The following ENOX2 variants were observed in gnomAD, a reference collection of about 807,000 sequenced individuals.
ENOX2 encodes the protein ecto-NOX disulfide-thiol exchanger 2, also known as APK1 antigen.
Under a neutral mutation model 45.0 loss-of-function variants are expected in ENOX2, and 36 were observed. The observed-to-expected ratio is 0.80, with a 90% CI of 0.61 to 1.06. The LOEUF (loss-of-function observed/expected upper bound fraction) is 1.06. Ranked by LOEUF, ENOX2 falls within the 50% of genes least tolerant of loss-of-function variation. The pLI is 0.00. For synonymous variants in ENOX2, 174 were observed against 152.3 expected, an observed-to-expected ratio of 1.14 and a Z score of -1.05; for missense variants, 423 against 462.5, an observed-to-expected ratio of 0.91 and a Z score of 0.78.
intron 4 of ENOX2, 130 bp downstream of exon 4, chrX:130,702,990 T>G: frequency 1.5e-6 from 1 of 689,042 alleles, no homozygotes; most frequent in Middle Eastern, 3.9e-4. Flanking sequence ...AAAGCTCATA[T>G]TACAAAAATG....
intron 9 of ENOX2, among the ~76,000 whole-genome samples, chrX:130,663,531 CAAAAA>C (rs771813859): frequency 2.3e-5 from 1 of 43,048 alleles, no homozygotes. Context: ...ACTCCGTCTC[CAAAAA>C]AAAAAAAAAA....
chrX:130,756,506 T>C (rs1266917409), intron 3 of ENOX2, among the ~76,000 whole-genome samples: 3 of 112,119 alleles, frequency 2.7e-5, no homozygotes, highest in Non-Finnish European at 5.6e-5. Context: ...TTGCTGTAAC[T>C]GGCCTCTGAA....
chrX:130,766,491 G>A (rs1019836259), intron 3 of ENOX2, among the ~76,000 whole-genome samples: 8 of 111,619 alleles, frequency 7.2e-5, no homozygotes, highest in Middle Eastern at 4.6e-3. Flanking sequence ...TTTTATAGTC[G>A]ATTCTTTTTG....
intron 3 of ENOX2, among the ~76,000 whole-genome samples, chrX:130,770,532 A>C (rs5977372): frequency 0.015 from 1,686 of 111,651 alleles, 32 homozygotes; most frequent in African/African-American, 0.052. Flanking sequence ...GCATTAATTT[A>C]CATGACATAA....
chrX:130,886,827 G>A (rs915211603), intron 2 of ENOX2, among the ~76,000 whole-genome samples: 1 of 112,154 alleles, frequency 8.9e-6, no homozygotes, highest in Non-Finnish European at 1.9e-5. Context: ...AAATACAGGA[G>A]TTAATAAACT....
At chrX:130,851,130 A>C (rs1193696037) in intron 2 of ENOX2, among the ~76,000 whole-genome samples, 1 of 112,533 alleles carries the variant, frequency 8.9e-6, no homozygotes, top group Non-Finnish European at 1.9e-5. Context: ...ATCCAGGACA[A>C]GTGTTGTACA....
intron 3 of ENOX2, among the ~76,000 whole-genome samples, chrX:130,736,129 C>T (rs752971530): frequency 2.7e-5 from 3 of 111,139 alleles, no homozygotes; most frequent in African/African-American, 9.8e-5. Flanking sequence ...TTTGGGAGGC[C>T]GAGGTGGGCA....
intron 2 of ENOX2, among the ~76,000 whole-genome samples, chrX:130,806,943 A>G (rs769971632): frequency 1.8e-5 from 2 of 112,356 alleles, no homozygotes; most frequent in South Asian, 7.4e-4. Context: ...CAGGACTCCA[A>G]TTTTAGTGTT....
intron 4 of ENOX2, among the ~76,000 whole-genome samples, chrX:130,690,427 T>C (rs2037561721): frequency 8.9e-6 from 1 of 112,215 alleles, no homozygotes; most frequent in South Asian, 3.7e-4. Flanking sequence ...AAAATGGAAT[T>C]TCTGTGAGAG....
intron 2 of ENOX2, among the ~76,000 whole-genome samples, chrX:130,872,305 G>C (rs1353775485): frequency 1.8e-5 from 2 of 112,527 alleles, no homozygotes; most frequent in Non-Finnish European, 3.8e-5. Flanking sequence ...TGAAACAGTA[G>C]TCATTTTTAT....
intron 3 of ENOX2, among the ~76,000 whole-genome samples, chrX:130,749,794 GTC>G (rs1347380974): frequency 5.5e-5 from 6 of 109,741 alleles, no homozygotes; most frequent in Non-Finnish European, 9.5e-5. Flanking sequence ...TTTGCAATTT[GTC>G]TCTCTGCTTG....
intron 5 of ENOX2, among the ~76,000 whole-genome samples, chrX:130,686,152 G>A (rs1296544407): frequency 9.0e-6 from 1 of 110,820 alleles, no homozygotes; most frequent in Non-Finnish European, 1.9e-5. Flanking sequence ...AATTGATATG[G>A]TTCGGCCCTG....
intron 9 of ENOX2, among the ~76,000 whole-genome samples, chrX:130,659,372 A>C (rs2036626113): frequency 8.9e-6 from 1 of 112,174 alleles, no homozygotes; most frequent in Non-Finnish European, 1.9e-5. Context: ...TAGAAAAAGA[A>C]GATGCTAACA....
chrX:130,674,860 C>T (rs1285367242), intron 6 of ENOX2, among the ~76,000 whole-genome samples: 10 of 95,127 alleles, frequency 1.1e-4, no homozygotes, highest in Middle Eastern at 5.1e-3. Flanking sequence ...TGAGTGAGAA[C>T]ATGCGGTGTT....
chrX:130,665,611 C>T lies in ENOX2; in HGVS notation c.1014+32G>A, dbSNP rs370502329. On this transcript the variant is annotated intron_variant, in intron 9 of 14. Coordinates refer to ENST00000394363, the MANE Select transcript of ENOX2 (RefSeq NM_006375.4). ...CTTGTTAACGAAAGAAACTGTCCCC[C>T]CAAGGGGCTACCAGAATAAAAAGTT... 165 of 1,031,660 alleles carry T rather than the reference C, an allele frequency of 1.6e-4. No homozygotes were observed. In the African/African-American group the frequency reaches 2.8e-3, roughly 17 times the overall value. 85.0% of individuals were successfully genotyped at this position (1,031,660 alleles called of 1,213,427 possible). A position where few individuals can be genotyped will look rare whatever the true frequency, so the allele number is the denominator to read the frequency against.
At chrX:130,865,456 TAGAG>T (rs755891074) in intron 2 of ENOX2, among the ~76,000 whole-genome samples, 6 of 112,034 alleles carry the variant, frequency 5.4e-5, no homozygotes, top group African/African-American at 1.3e-4. Context: ...GATAAGCAAA[TAGAG>T]AGAATCAATA....
At chrX:130,629,089 C>T (rs1355895606) in intron 13 of ENOX2, among the ~76,000 whole-genome samples, 7 of 111,745 alleles carry the variant, frequency 6.3e-5, no homozygotes, top group African/African-American at 2.3e-4. Context: ...GAAGTTCAAT[C>T]AAAGGGGTAA....
chrX:130,846,630 C>T (rs974433426), intron 2 of ENOX2, among the ~76,000 whole-genome samples: 2 of 112,573 alleles, frequency 1.8e-5, no homozygotes, highest in Non-Finnish European at 3.8e-5. Flanking sequence ...AGCCACTGCG[C>T]CCAGCCGGCA....
At chrX:130,846,749 G>T (rs1366769389) in intron 2 of ENOX2, among the ~76,000 whole-genome samples, 1 of 112,633 alleles carries the variant, frequency 8.9e-6, no homozygotes, top group Non-Finnish European at 1.9e-5. Flanking sequence ...TACAAAGTGA[G>T]GTATCCATGT....
Sources: allele counts gnomAD v4.1 joint callset (sites outside exome capture counted in the v4.1 genomes callset), GRCh38; gene constraint gnomAD v4.1.1; transcripts MANE v1.5; gene names NCBI Gene and HGNC (gene_info 2026-07-23, HGNC 2026-07-21).